MICU2: variants seen among roughly 807,000 people sequenced by gnomAD.
MICU2 encodes mitochondrial calcium uptake 2.
MICU2 carries 64 observed loss-of-function variants against 60.4 expected under a neutral mutation model. The ratio of observed to expected loss-of-function variants is 1.06; its 90% CI spans 0.87 to 1.31. The LOEUF (loss-of-function observed/expected upper bound fraction) is 1.31. Ranked by LOEUF, MICU2 falls within the 50% of genes most tolerant of loss-of-function variation. The probability of loss-of-function intolerance (pLI) is 0.00; values close to 1 mark genes in which losing one functional copy is unlikely to be tolerated. For synonymous variants in MICU2, 201 were observed against 175.0 expected (o/e 1.15, Z -1.17); for missense variants, 569 against 531.0 (o/e 1.07, Z -0.70).
chr13:21,536,856 T>C (rs1887141726), intron 4 of MICU2, among the ~76,000 whole-genome samples: 1 of 152,248 alleles, frequency 6.6e-6, no homozygotes, highest in African/African-American at 2.4e-5. Context: ...ATCTCTCAGA[T>C]CCTTGATAAG....
At position 21,503,107 on chromosome 13, in the gene MICU2, A is replaced by C. The variant is rs748771205; in HGVS notation, c.762-10T>G. The C allele has an allele frequency of 1.3e-6, 2 of 1,573,002 alleles. No individual in the cohort carries two copies. Among genetic ancestry groups the C allele is most frequent in the Non-Finnish European group, 1.7e-6 (2 of 1,157,436 alleles). The stretch of plus-strand genomic sequence containing the variant: ...TAAATTTTCCATAAATCTGAATGTT[A>C]AAATACAAAATTAGTAAGGTAACTA... On this transcript the variant is annotated splice_polypyrimidine_tract_variant and intron_variant, in intron 8 of 11. Coordinates refer to ENST00000382374, the MANE Select transcript of MICU2 (RefSeq NM_152726.3).
intron 5 of MICU2, among the ~76,000 whole-genome samples, chr13:21,522,145 C>G (rs993896613): frequency 6.6e-6 from 1 of 152,172 alleles, no homozygotes; most frequent in African/African-American, 2.4e-5. Context: ...TCGACTTAAT[C>G]TGGGTTTTAT....
At chr13:21,540,277 C>T (rs1159714825) in intron 2 of MICU2, among the ~76,000 whole-genome samples, 1 of 148,880 alleles carries the variant, frequency 6.7e-6, no homozygotes, top group Admixed American at 6.8e-5. Flanking sequence ...TAATATCCAC[C>T]ATAATTCTAA....
At chr13:21,564,601 C>T (rs1887930513) in intron 2 of MICU2, among the ~76,000 whole-genome samples, 1 of 152,052 alleles carries the variant, frequency 6.6e-6, no homozygotes, top group African/African-American at 2.4e-5. Context: ...TTTGTTTTTC[C>T]ACTCCCCTTG....
rs1887314137 is a variant in MICU2, at chr13:21,542,692, T to C, written c.359-3004A>G. Among the ~76,000 whole-genome samples, 3 of 152,184 alleles carry C rather than the reference T, an allele frequency of 2.0e-5. No homozygotes were observed. In the South Asian group the frequency reaches 6.2e-4, roughly 32 times the overall value. On this transcript the variant is annotated intron_variant, in intron 2 of 11. Transcript: ENST00000382374. ...GGAGGCGGCATAGATCTTGAAGCAC[T>C]AGGAATTTTGGTTCAGGAAGTAAAA...
At chr13:21,540,935 T>C (rs1488689994) in intron 2 of MICU2, among the ~76,000 whole-genome samples, 4 of 152,132 alleles carry the variant, frequency 2.6e-5, no homozygotes, top group South Asian at 2.1e-4. Flanking sequence ...CTTTACATAG[T>C]CAATTAACTT....
rs146269795 is a variant in MICU2, at chr13:21,506,143, C to T, written c.762-3046G>A. On this transcript the variant is annotated intron_variant, in intron 8 of 11. Transcript: ENST00000382374. ...TGGGCTCTGGTGATCCTCCCTACCT[C>T]AGCCTCCCAAGTAACTGGGACTACA... is the stretch of plus-strand genomic sequence containing the variant. 4.3e-3 allele frequency among the ~76,000 whole-genome samples: 658 copies of T among 152,052 alleles called. 5 individuals carry two copies. Among genetic ancestry groups the T allele is most frequent in the African/African-American group, 0.015 (607 of 41,474 alleles).
intron 2 of MICU2, among the ~76,000 whole-genome samples, chr13:21,554,705 A>G (rs1887658648): frequency 6.6e-6 from 1 of 152,214 alleles, no homozygotes; most frequent in African/African-American, 2.4e-5. Flanking sequence ...GAGATACAAA[A>G]AATCCTTCAA....
chr13:21,575,982 A>G (rs995142935), intron 1 of MICU2, among the ~76,000 whole-genome samples: 7 of 152,294 alleles, frequency 4.6e-5, no homozygotes, highest in African/African-American at 1.4e-4. Context: ...CATCTTACAG[A>G]GATAAAATGG....
intron 2 of MICU2, among the ~76,000 whole-genome samples, chr13:21,549,234 G>A (rs770514600): frequency 2.0e-5 from 3 of 152,022 alleles, no homozygotes; most frequent in East Asian, 1.9e-4. Flanking sequence ...CAGCTGACAA[G>A]CTTGAGAGTT....
chr13:21,541,302 T>C (rs1379926822), intron 2 of MICU2, among the ~76,000 whole-genome samples: 1 of 152,124 alleles, frequency 6.6e-6, no homozygotes, highest in Non-Finnish European at 1.5e-5. Flanking sequence ...GAAGGTAATG[T>C]TTGCTTCCCT....
chr13:21,525,982 T>G (rs1471416774), intron 4 of MICU2, among the ~76,000 whole-genome samples: 1 of 151,608 alleles, frequency 6.6e-6, no homozygotes, highest in African/African-American at 2.4e-5. Flanking sequence ...TTTCCCGGGC[T>G]GGAGTACAGT....
intron 6 of MICU2, among the ~76,000 whole-genome samples, chr13:21,519,203 T>C (rs191043994): frequency 2.4e-4 from 37 of 152,250 alleles, no homozygotes; most frequent in East Asian, 2.3e-3. Context: ...ATTACAGGCA[T>C]ACGCCACCAC....
chr13:21,496,239 T>C (rs769626653), intron 9 of MICU2, 79 bp from the exon 10 acceptor site: 2 of 1,069,926 alleles, frequency 1.9e-6, no homozygotes, highest in Non-Finnish European at 2.8e-6. Flanking sequence ...AACTTTCTTT[T>C]CTACCGTAGA....
intron 4 of MICU2, among the ~76,000 whole-genome samples, chr13:21,527,225 A>G (rs2138175308): frequency 6.6e-6 from 1 of 152,314 alleles, no homozygotes; most frequent in East Asian, 1.9e-4. Flanking sequence ...GAAGTGCTCT[A>G]ATGTTAGCTG....
At chr13:21,568,374 A>C (rs549258900) in intron 1 of MICU2, among the ~76,000 whole-genome samples, 4 of 152,204 alleles carry the variant, frequency 2.6e-5, no homozygotes, top group African/African-American at 9.6e-5. Flanking sequence ...ACAGAATATC[A>C]ATAATATTGT....
chr13:21,512,736 A>C (rs984873428), intron 7 of MICU2, among the ~76,000 whole-genome samples: 12 of 152,084 alleles, frequency 7.9e-5, no homozygotes, highest in African/African-American at 2.7e-4. Flanking sequence ...ATTTTGATGA[A>C]ATCCAATATA....
chr13:21,599,883 TACA>T (rs1467899531), intron 1 of MICU2, among the ~76,000 whole-genome samples: 2 of 151,162 alleles, frequency 1.3e-5, no homozygotes, highest in African/African-American at 2.4e-5. Flanking sequence ...CTGAGATACT[TACA>T]ACAACTCTAA....
intron 2 of MICU2, 28 bp from the exon 3 acceptor site, chr13:21,539,716 T>C (rs752546254): frequency 6.2e-7 from 1 of 1,607,354 alleles, no homozygotes; most frequent in Non-Finnish European, 8.5e-7. Context: ...CATTATTTAG[T>C]ATCCATATTC....
Sources: gnomAD v4.1 joint callset for allele counts (sites outside exome capture counted in the v4.1 genomes callset) on GRCh38, gnomAD v4.1.1 for gene constraint, MANE v1.5 for transcripts, NCBI Gene and HGNC (gene_info 2026-07-23, HGNC 2026-07-21) for gene names.